Variants in ARID4A observed in about 807,000 individuals in gnomAD.
The protein encoded by ARID4A is AT-rich interaction domain 4A, also known as AT-rich interactive domain-containing protein 4A.
ARID4A carries 39 observed loss-of-function variants against 148.6 expected under a neutral mutation model. The ratio of observed to expected loss-of-function variants is 0.26; its 90% CI spans 0.20 to 0.34. ARID4A has a LOEUF of 0.34. Ranked by LOEUF, ARID4A falls within the 10% of genes least tolerant of loss-of-function variation. The probability of loss-of-function intolerance (pLI) is 1.00; values close to 1 mark genes in which losing one functional copy is unlikely to be tolerated. For synonymous variants in ARID4A, 475 were observed against 481.2 expected, an observed-to-expected ratio of 0.99 and a Z score of 0.17; for missense variants, 1,265 against 1,449.1, an observed-to-expected ratio of 0.87 and a Z score of 2.06.
chr14:58,364,527 G>T lies in ARID4A; in HGVS notation c.2438G>T (p.Gly813Val). Residue 813 changes from glycine (G) to valine (V), a missense_variant, in exon 20 of 24, where the codon GGC becomes GTC. Gly to Val is a moderately radical substitution (Grantham distance 109). Around this residue, in one of 9 missense-constraint regions of ARID4A, gnomAD observed 666 missense variants for 730.9 expected, o/e 0.91. Coordinates refer to ENST00000355431, the MANE Select transcript of ARID4A (RefSeq NM_002892.4). ...SLEIIKISSF[G>V]QNEAGSEPHI... ...GAAATTATAAAGATTTCATCATTTG[G>T]CCAGAATGAAGCAGGAAGTGAACCT... 6.2e-7 allele frequency: 1 copy of T among 1,611,818 alleles called. No homozygotes were observed. The highest frequency in any genetic ancestry group is 8.5e-7 in the Non-Finnish European group (1 of 1,179,594).
chr14:58,344,268 C>A (rs2034250131), intron 11 of ARID4A, among the ~76,000 whole-genome samples: 1 of 152,024 alleles, frequency 6.6e-6, no homozygotes, highest in African/African-American at 2.4e-5. Flanking sequence ...ATAACAAAAA[C>A]TATGTTTATA....
intron 18 of ARID4A, 114 bp downstream of exon 18, chr14:58,359,330 G>A: frequency 1.0e-6 from 1 of 982,630 alleles, no homozygotes. Context: ...TTGAGAGCAA[G>A]GTATATAGAC....
At chr14:58,363,237 G>A (rs1023022326) in intron 19 of ARID4A, among the ~76,000 whole-genome samples, 1 of 152,068 alleles carries the variant, frequency 6.6e-6, no homozygotes, top group African/African-American at 2.4e-5. Context: ...AACTTCTTGA[G>A]GATTTGAGCA....
In ARID4A at chr14:58,351,330, T is replaced by C; in HGVS notation, c.1655+7T>C. 2.5e-6 allele frequency: 4 copies of C among 1,587,684 alleles called. No homozygotes were observed. Among genetic ancestry groups the C allele is most frequent in the South Asian group, 1.2e-5 (1 of 85,204 alleles). On this transcript the variant is annotated splice_region_variant and intron_variant, in intron 16 of 23. Transcript: ENST00000355431. ...AAGAGAAAAGCCAAGAGAGGTACAT[T>C]ATCTTATGTTTGTTCTCCAGAAGCA... is the stretch of plus-strand genomic sequence containing the variant.
rs776331899 is a variant in ARID4A, at chr14:58,351,055, T to G, written c.1405-18T>G. ...TTTATAGTGATAGCTATTTTAAAGCTTTTATCCCCTCTACTAGGGACGAAG... is the reference window on the plus strand; with the variant it reads ...TTTATAGTGATAGCTATTTTAAAGCGTTTATCCCCTCTACTAGGGACGAAG... On this transcript the variant is annotated intron_variant, in intron 15 of 23. Coordinates refer to ENST00000355431, the MANE Select transcript of ARID4A (RefSeq NM_002892.4). 1.3e-6 allele frequency: 2 copies of G among 1,570,214 alleles called. No individual in the cohort carries two copies. Among genetic ancestry groups the G allele is most frequent in the Non-Finnish European group, 1.7e-6 (2 of 1,168,056 alleles).
intron 8 of ARID4A, among the ~76,000 whole-genome samples, chr14:58,327,491 A>T (rs1248121792): frequency 3.9e-5 from 6 of 152,134 alleles, no homozygotes; most frequent in Admixed American, 3.9e-4. Flanking sequence ...TATCTTGGTT[A>T]AAAAAGGTAA....
chr14:58,328,198 A>G, intron 8 of ARID4A, 39 bp from the exon 9 acceptor site: 1 of 1,395,338 alleles, frequency 7.2e-7, no homozygotes, highest in Non-Finnish European at 1.0e-6. Flanking sequence ...TTCTGAGCAC[A>G]GGAAATAGGA....
Position 58,304,967 on chromosome 14 carries a change from C to A in ARID4A, c.141C>A (p.Thr47=). Residue 47 remains threonine (T), a synonymous_variant, in exon 4 of 24, where the codon ACC becomes ACA. Coordinates refer to ENST00000355431, the MANE Select transcript of ARID4A (RefSeq NM_002892.4). ...KVKVLLKQDN[T]TQLVQDDQVK... ...AGGTACTCCTGAAACAGGATAATAC[C>A]ACACAATTGGTACAAGATGACCAAG... 1 of 1,606,844 alleles carries A rather than the reference C, an allele frequency of 6.2e-7. No individual in the cohort carries two copies. The highest frequency in any genetic ancestry group is 1.7e-5 in the Admixed American group (1 of 58,848).
At chr14:58,310,764 A>T (rs1377314662) in intron 5 of ARID4A, among the ~76,000 whole-genome samples, 1 of 151,724 alleles carries the variant, frequency 6.6e-6, no homozygotes, top group Non-Finnish European at 1.5e-5. Flanking sequence ...AGAAAAGCAA[A>T]ACTAGACACC....
At chr14:58,339,906 CTT>C (rs2034026487) in intron 11 of ARID4A, among the ~76,000 whole-genome samples, 1 of 151,888 alleles carries the variant, frequency 6.6e-6, no homozygotes, top group African/African-American at 2.4e-5. Flanking sequence ...GTGCTATACA[CTT>C]TCAAGCAACC....
chr14:58,302,597 G>A (rs1471776277), intron 3 of ARID4A, among the ~76,000 whole-genome samples: 2 of 152,158 alleles, frequency 1.3e-5, no homozygotes, highest in African/African-American at 4.8e-5. Flanking sequence ...GGTGGAGATT[G>A]CAGTGAGCCG....
intron 5 of ARID4A, among the ~76,000 whole-genome samples, chr14:58,310,548 G>A (rs546481846): frequency 3.8e-4 from 58 of 152,140 alleles, no homozygotes; most frequent in African/African-American, 1.4e-3. Flanking sequence ...AAATGGTGTT[G>A]GGAAAACTGG....
intron 8 of ARID4A, among the ~76,000 whole-genome samples, chr14:58,325,458 A>G (rs1566684976): frequency 6.6e-6 from 1 of 151,764 alleles, no homozygotes; most frequent in Non-Finnish European, 1.5e-5. Context: ...TAATTTTTGT[A>G]TTTTTGTGTG....
chr14:58,363,056 G>T (rs1328478378), intron 19 of ARID4A, among the ~76,000 whole-genome samples: 1 of 152,184 alleles, frequency 6.6e-6, no homozygotes, highest in African/African-American at 2.4e-5. Context: ...CTCTTAGAAG[G>T]CATACCTGTG....
chr14:58,371,927 A>T lies in ARID4A; in HGVS notation c.3712A>T (p.Thr1238Ser). The T allele has an allele frequency of 1.2e-6, 2 of 1,613,434 alleles. No homozygotes were observed. The highest frequency in any genetic ancestry group is 1.7e-6 in the Non-Finnish European group (2 of 1,179,400). ...CTCCATGTCATCTGCTTCATCAGAC[A>T]CTGGAATGAGTCCCTCATCATCATC... ...GASMSSASSD[T>S]GMSPSSSSPP... Residue 1238 changes from threonine to serine, a missense_variant, in exon 24 of 24, where the codon ACT becomes TCT. This residue lies in a region of ARID4A where 666 missense variants were observed against 730.9 expected (regional missense o/e 0.91). Coordinates refer to ENST00000355431, the MANE Select transcript of ARID4A (RefSeq NM_002892.4).
intron 5 of ARID4A, among the ~76,000 whole-genome samples, chr14:58,310,384 T>TA (rs2031935727): frequency 6.6e-6 from 1 of 152,134 alleles, no homozygotes; most frequent in Non-Finnish European, 1.5e-5. Flanking sequence ...TACAAAGCTA[T>TA]AGTAATCAAA....
At chr14:58,338,964 C>CTT (rs35408179) in intron 11 of ARID4A, among the ~76,000 whole-genome samples, 111 of 83,840 alleles carry the variant, frequency 1.3e-3, no homozygotes, top group Non-Finnish European at 1.6e-3. Flanking sequence ...ATTATTAAAA[C>CTT]TTTTTTTTTT....
chr14:58,299,305 G>T (rs2140122247), intron 1 of ARID4A: 1 of 153,700 alleles, frequency 6.5e-6, no homozygotes. Flanking sequence ...TTCTGACATG[G>T]TGCAGAGCGA....
At chr14:58,362,853 C>T (rs551959846) in intron 19 of ARID4A, among the ~76,000 whole-genome samples, 6 of 151,996 alleles carry the variant, frequency 3.9e-5, no homozygotes, top group African/African-American at 1.2e-4. Flanking sequence ...CCACTGTGCC[C>T]GGCCACCAAA....
Sources: allele counts gnomAD v4.1 joint callset (sites outside exome capture counted in the v4.1 genomes callset), GRCh38; gene constraint gnomAD v4.1.1; regional missense constraint gnomAD v4.1.1; transcripts MANE v1.5; gene names NCBI Gene and HGNC (gene_info 2026-07-23, HGNC 2026-07-21).